The following ATP8B1 variants were observed in gnomAD, a reference collection of about 807,000 sequenced individuals.
ATP8B1 encodes the protein ATPase phospholipid transporting 8B1.
Under a neutral mutation model 149.9 loss-of-function variants are expected in ATP8B1, and 80 were observed. The ratio of observed to expected loss-of-function variants is 0.53; its 90% CI spans 0.45 to 0.64. The LOEUF (loss-of-function observed/expected upper bound fraction) is 0.64, where lower values mean the gene tolerates loss of function less well. Among genes scored for constraint, ATP8B1 ranks in the 30% least tolerant of loss-of-function variants. The probability of loss-of-function intolerance (pLI) is 0.00; values close to 1 mark genes in which losing one functional copy is unlikely to be tolerated. For synonymous variants in ATP8B1, 536 were observed against 562.8 expected (o/e 0.95, Z 0.67); for missense variants, 1,247 against 1,552.6 (o/e 0.80, Z 3.31).
chr18:57,746,216 T>G (rs910589945), intron 1 of ATP8B1, among the ~76,000 whole-genome samples: 1 of 152,208 alleles, frequency 6.6e-6, no homozygotes, highest in Non-Finnish European at 1.5e-5. Flanking sequence ...CCACTCCCTA[T>G]ATCCAAACAC....
chr18:57,662,178 C>T lies in ATP8B1; in HGVS notation c.2418+305G>A, dbSNP rs76258995. ...CCTCCAGAGGAGCTGGGACTACAGG[C>T]GCATGCCACCACATCCAGCTTATAA... On this transcript the variant is annotated intron_variant, in intron 21 of 27. Coordinates refer to ENST00000648908, the MANE Select transcript of ATP8B1 (RefSeq NM_001374385.1). Among the ~76,000 whole-genome samples, 11,369 of 152,118 alleles carry T rather than the reference C, an allele frequency of 0.075. 772 individuals are homozygous for T. The highest frequency in any genetic ancestry group is 0.17 in the African/African-American group (7,120 of 41,468).
intron 2 of ATP8B1, among the ~76,000 whole-genome samples, chr18:57,713,641 C>A (rs1455596055): frequency 6.6e-6 from 1 of 151,454 alleles, no homozygotes; most frequent in African/African-American, 2.4e-5. Context: ...GAGGTGTGTG[C>A]CACCATGCTT....
chr18:57,761,905 G>T (rs1289797830), intron 1 of ATP8B1, among the ~76,000 whole-genome samples: 1 of 136,716 alleles, frequency 7.3e-6, no homozygotes, highest in African/African-American at 2.8e-5. Flanking sequence ...AGCCGAGATT[G>T]CGCCACTGCA....
intron 1 of ATP8B1, among the ~76,000 whole-genome samples, chr18:57,792,136 C>T (rs997778789): frequency 6.6e-6 from 1 of 152,172 alleles, no homozygotes; most frequent in African/African-American, 2.4e-5. Context: ...GCTCTCTGGG[C>T]ACAAAACATT....
At chr18:57,714,184 G>C (rs1332095107) in intron 2 of ATP8B1, among the ~76,000 whole-genome samples, 6 of 152,220 alleles carry the variant, frequency 3.9e-5, no homozygotes, top group African/African-American at 1.2e-4. Context: ...TGGACATGGG[G>C]AGAGGCCCCT....
intron 6 of ATP8B1, among the ~76,000 whole-genome samples, chr18:57,700,048 A>G (rs1263278552): frequency 6.6e-6 from 1 of 152,232 alleles, no homozygotes; most frequent in Admixed American, 6.5e-5. Context: ...AAACTGGAAC[A>G]TCGGATAGAA....
chr18:57,658,770 A>G (rs1910189293), intron 22 of ATP8B1, among the ~76,000 whole-genome samples: 1 of 151,872 alleles, frequency 6.6e-6, no homozygotes, highest in Non-Finnish European at 1.5e-5. Flanking sequence ...GGCTCAAGTA[A>G]TCCTTCCGTC....
chr18:57,788,432 G>A (rs914781684), intron 1 of ATP8B1, among the ~76,000 whole-genome samples: 3 of 151,840 alleles, frequency 2.0e-5, no homozygotes, highest in Admixed American at 1.3e-4. Flanking sequence ...GTGCCCATCT[G>A]TAATCCCAGC....
chr18:57,793,146 C>T (rs2080479635), intron 1 of ATP8B1, among the ~76,000 whole-genome samples: 2 of 152,314 alleles, frequency 1.3e-5, no homozygotes, highest in Middle Eastern at 3.4e-3. Flanking sequence ...GCTTTTGAAA[C>T]TCAGATTTCC....
rs71171074 is a variant in ATP8B1 at position 57,729,549 on chromosome 18, C to CTTTTTTTTTTT, written c.181+2067_181+2077dup. On this transcript the variant is annotated intron_variant, in intron 2 of 27. Transcript: ENST00000648908. ...GGTGGGAATTCCATTTTCTTTCTTT[C>CTTTTTTTTTTT]TTTTTTTTTTTTTTTTTTGAGTTGG... 3.1e-3 allele frequency among the ~76,000 whole-genome samples: 370 copies of CTTTTTTTTTTT among 120,624 alleles called. 5 individuals carry two copies. Among genetic ancestry groups the CTTTTTTTTTTT allele is most frequent in the East Asian group, 6.1e-3 (22 of 3,622 alleles). The allele number at this position is 120,624 out of a possible 152,430, so 79.1% of individuals were successfully genotyped here.
At chr18:57,701,351 G>A (rs1421444083) in intron 4 of ATP8B1, 38 bp from the exon 5 acceptor site, 2 of 1,561,834 alleles carry the variant, frequency 1.3e-6, no homozygotes, top group Admixed American at 3.3e-5. Context: ...TGTCCATGAA[G>A]GCATATCAAG....
intron 1 of ATP8B1, among the ~76,000 whole-genome samples, chr18:57,787,563 G>A (rs1411203474): frequency 6.6e-6 from 1 of 152,192 alleles, no homozygotes; most frequent in Non-Finnish European, 1.5e-5. Context: ...AGAACACTGT[G>A]GGTGGGGAGT....
rs908490747 is a variant in ATP8B1 at position 57,771,352 on chromosome 18, G to A, written c.-26+31646C>T. 2.0e-5 allele frequency among the ~76,000 whole-genome samples: 3 copies of A among 152,286 alleles called. No homozygotes were observed. In the South Asian group the frequency reaches 6.2e-4, roughly 32 times the overall value. ...ACTCATTCAGACAGTTTTATTAAGC[G>A]TGATATAGTCTACCTCTCTCAGCAC... On this transcript the variant is annotated intron_variant, in intron 1 of 27. Transcript: ENST00000648908.
At position 57,768,285 on chromosome 18, in the gene ATP8B1, G is replaced by T. The variant is rs112630414; in HGVS notation, c.-26+34713C>A. Among the ~76,000 whole-genome samples, 1,136 of 150,942 alleles carry T rather than the reference G, an allele frequency of 7.5e-3. 8 individuals are homozygous for T. The highest frequency in any genetic ancestry group is 0.017 in the South Asian group (79 of 4,780). ...ACCTGTAGTCCCAGCTACTGGGGAGGCTGAGGCAGGAAAATTGCTTGAACC... is the reference window on the plus strand; with the variant it reads ...ACCTGTAGTCCCAGCTACTGGGGAGTCTGAGGCAGGAAAATTGCTTGAACC... On this transcript the variant is annotated intron_variant, in intron 1 of 27. Coordinates refer to ENST00000648908, the MANE Select transcript of ATP8B1 (RefSeq NM_001374385.1).
chr18:57,688,174 T>G (rs1912349684), intron 13 of ATP8B1, 125 bp downstream of exon 13: 1 of 1,073,566 alleles, frequency 9.3e-7, no homozygotes, highest in Non-Finnish European at 1.4e-6. Flanking sequence ...AGAATGGCCC[T>G]AGCAGCAGGA....
At chr18:57,669,528 A>G in intron 17 of ATP8B1, 46 bp from the exon 18 acceptor site, 2 of 1,544,318 alleles carry the variant, frequency 1.3e-6, no homozygotes, top group South Asian at 1.1e-5. Context: ...AGAATAGTTA[A>G]TTTATGTAAT....
chr18:57,792,458 T>C (rs2123455257), intron 1 of ATP8B1, among the ~76,000 whole-genome samples: 1 of 152,048 alleles, frequency 6.6e-6, no homozygotes, highest in African/African-American at 2.4e-5. Context: ...GTAATATACA[T>C]GAAAAACATC....
chr18:57,718,679 A>C (rs1334888799), intron 2 of ATP8B1, among the ~76,000 whole-genome samples: 1 of 152,246 alleles, frequency 6.6e-6, no homozygotes, highest in Non-Finnish European at 1.5e-5. Context: ...CATCATGATC[A>C]AGTGGGATTT....
At chr18:57,789,793 G>A (rs1235020023) in intron 1 of ATP8B1, among the ~76,000 whole-genome samples, 2 of 151,940 alleles carry the variant, frequency 1.3e-5, no homozygotes, top group Admixed American at 6.6e-5. Flanking sequence ...ATACTTTGTT[G>A]CCAAAAAATA....
Sources: allele counts gnomAD v4.1 joint callset (sites outside exome capture counted in the v4.1 genomes callset), GRCh38; gene constraint gnomAD v4.1.1; transcripts MANE v1.5; gene names NCBI Gene and HGNC (gene_info 2026-07-23, HGNC 2026-07-21).